Variants in AMOTL1 observed in about 807,000 individuals in gnomAD.
AMOTL1 encodes the protein angiomotin like 1, also known as angiomotin-like protein 1.
AMOTL1 carries 45 observed loss-of-function variants against 102.9 expected under a neutral mutation model. That is an observed-to-expected ratio of 0.44 (90% CI 0.34 to 0.56). The LOEUF (loss-of-function observed/expected upper bound fraction) is 0.56. AMOTL1 is among the 20% of genes least tolerant of loss of function. The pLI is 0.01. For synonymous variants in AMOTL1, 481 were observed against 484.7 expected (o/e 0.99, Z 0.10); for missense variants, 1,114 against 1,225.6 (o/e 0.91, Z 1.36).
intron 2 of AMOTL1, among the ~76,000 whole-genome samples, chr11:94,729,691 G>T (rs762388145): frequency 2.0e-5 from 3 of 152,132 alleles, no homozygotes; most frequent in Non-Finnish European, 4.4e-5. Context: ...CTACTTTGAT[G>T]GTAGGAGCCA....
chr11:94,761,001 T>A (rs1353817105), intron 3 of AMOTL1, among the ~76,000 whole-genome samples: 2 of 152,054 alleles, frequency 1.3e-5, no homozygotes, highest in African/African-American at 4.8e-5. Context: ...CTTGAACTCC[T>A]GGTGTCAAGC....
At chr11:94,784,983 A>G (rs1180433167) in intron 1 of AMOTL1, among the ~76,000 whole-genome samples, 1 of 151,316 alleles carries the variant, frequency 6.6e-6, no homozygotes, top group Non-Finnish European at 1.5e-5. Flanking sequence ...AAAAAAAAAG[A>G]AAAGAAAAGA....
intron 3 of AMOTL1, among the ~76,000 whole-genome samples, chr11:94,754,142 C>T (rs1241487294): frequency 6.6e-6 from 1 of 152,136 alleles, no homozygotes. Flanking sequence ...ACATATTTGG[C>T]ACTCTATGAG....
intron 1 of AMOTL1, among the ~76,000 whole-genome samples, chr11:94,777,149 T>G (rs1374712656): frequency 6.6e-6 from 1 of 152,186 alleles, no homozygotes; most frequent in Non-Finnish European, 1.5e-5. Flanking sequence ...TTAAGACACC[T>G]GGGAAAGTAA....
intron 1 of AMOTL1, among the ~76,000 whole-genome samples, chr11:94,791,236 A>G (rs1951280721): frequency 1.3e-5 from 2 of 152,246 alleles, no homozygotes; most frequent in South Asian, 2.1e-4. Flanking sequence ...TAGGCAACAT[A>G]AGGCAGAAAT....
chr11:94,718,010 T>TA (rs1950121721), intron 1 of AMOTL1, among the ~76,000 whole-genome samples: 1 of 151,902 alleles, frequency 6.6e-6, no homozygotes, highest in Non-Finnish European at 1.5e-5. Context: ...ATATGCCTTA[T>TA]AAAAATATAT....
At chr11:94,728,320 C>T (rs12804246) in intron 1 of AMOTL1, among the ~76,000 whole-genome samples, 3,649 of 151,974 alleles carry the variant, frequency 0.024, 90 homozygotes, top group East Asian at 0.11. Context: ...AGCCAAGAGC[C>T]CTTGTAACTG....
intron 1 of AMOTL1, among the ~76,000 whole-genome samples, chr11:94,792,151 TGAG>T (rs1432940607): frequency 2.0e-5 from 3 of 152,198 alleles, no homozygotes; most frequent in African/African-American, 7.2e-5. Flanking sequence ...TAAAAAAGGA[TGAG>T]TTCATGTCCT....
intron 2 of AMOTL1, chr11:94,729,161 A>C: frequency 1.2e-6 from 1 of 800,026 alleles, no homozygotes; most frequent in Non-Finnish European, 1.8e-6. Flanking sequence ...TTGTCTTTTC[A>C]AAAGCAGCTG....
intron 3 of AMOTL1, among the ~76,000 whole-genome samples, chr11:94,817,061 G>T (rs1190408980): frequency 1.3e-5 from 2 of 152,030 alleles, no homozygotes. Flanking sequence ...ATTATAAAAA[G>T]ATTTATGGAA....
chr11:94,736,647 A>G (rs1950442360), intron 2 of AMOTL1, among the ~76,000 whole-genome samples: 1 of 152,200 alleles, frequency 6.6e-6, no homozygotes, highest in Non-Finnish European at 1.5e-5. Flanking sequence ...CAATCCAGTG[A>G]GGTATGTATT....
intron 6 of AMOTL1, among the ~76,000 whole-genome samples, chr11:94,847,405 A>G (rs1952439102): frequency 6.6e-6 from 1 of 152,196 alleles, no homozygotes; most frequent in Non-Finnish European, 1.5e-5. Context: ...TGAACTTGGC[A>G]CATAATAGAG....
intron 6 of AMOTL1, among the ~76,000 whole-genome samples, chr11:94,847,661 C>T (rs1952444796): frequency 6.6e-6 from 1 of 150,398 alleles, no homozygotes; most frequent in South Asian, 2.1e-4. Flanking sequence ...GATTTGAATC[C>T]AGGTCTTTCT....
chr11:94,772,448 G>A (rs886295472), intron 1 of AMOTL1, among the ~76,000 whole-genome samples: 1 of 152,110 alleles, frequency 6.6e-6, no homozygotes, highest in Non-Finnish European at 1.5e-5. Context: ...ATCATTTTGA[G>A]AATGTTACAT....
intron 2 of AMOTL1, among the ~76,000 whole-genome samples, chr11:94,736,601 G>A (rs570759963): frequency 2.6e-5 from 4 of 152,274 alleles, no homozygotes; most frequent in African/African-American, 7.2e-5. Flanking sequence ...ACTGTGCCTG[G>A]TCTGTCTCAT....
chr11:94,741,344 A>T (rs752065073), intron 3 of AMOTL1, among the ~76,000 whole-genome samples: 3 of 152,180 alleles, frequency 2.0e-5, no homozygotes, highest in Admixed American at 6.5e-5. Context: ...ACCTGCGCTC[A>T]TCTTGCCGGG....
chr11:94,707,079 A>C (rs1429063821), intron 1 of AMOTL1, among the ~76,000 whole-genome samples: 1 of 152,106 alleles, frequency 6.6e-6, no homozygotes, highest in Non-Finnish European at 1.5e-5. Flanking sequence ...CAGGAAAAAA[A>C]GGGGCCCAGG....
At chr11:94,814,281 C>T (rs764968177) in intron 3 of AMOTL1, among the ~76,000 whole-genome samples, 7 of 152,136 alleles carry the variant, frequency 4.6e-5, no homozygotes, top group South Asian at 2.1e-4. Context: ...GGCAGGTTTG[C>T]CAAGCTTAAG....
intron 4 of AMOTL1, among the ~76,000 whole-genome samples, chr11:94,824,526 A>G (rs1951928409): frequency 1.3e-5 from 2 of 152,244 alleles, no homozygotes; most frequent in African/African-American, 4.8e-5. Context: ...GTTCTCAACA[A>G]CTAGGACCAA....
Sources: allele counts gnomAD v4.1 joint callset (sites outside exome capture counted in the v4.1 genomes callset), GRCh38; gene constraint gnomAD v4.1.1; transcripts MANE v1.5; gene names NCBI Gene and HGNC (gene_info 2026-07-23, HGNC 2026-07-21).